CCDC57: variants seen among roughly 807,000 people sequenced by gnomAD.
CCDC57 encodes the protein coiled-coil domain-containing protein 57.
In CCDC57, 118 loss-of-function variants were observed where a neutral mutation model predicts 118.9. That is an observed-to-expected ratio of 0.99 (90% CI 0.86 to 1.16). The LOEUF (loss-of-function observed/expected upper bound fraction) is 1.16. CCDC57 is among the 50% of genes most tolerant of loss of function. The pLI, the probability that CCDC57 is intolerant of heterozygous loss-of-function variation, is 0.00. For synonymous variants in CCDC57, 527 were observed against 532.9 expected (o/e 0.99, Z 0.15); for missense variants, 1,300 against 1,320.7 (o/e 0.98, Z 0.24).
intron 19 of CCDC57, among the ~76,000 whole-genome samples, chr17:82,104,297 G>A (rs1173401745): frequency 2.0e-5 from 3 of 152,244 alleles, no homozygotes; most frequent in Admixed American, 2.0e-4. Context: ...CGTGAGGAAC[G>A]CGCCTCTTGG....
chr17:82,128,098 C>T (rs1014111358), intron 18 of CCDC57, among the ~76,000 whole-genome samples, 190 bp from the exon 18 acceptor site: 35 of 152,226 alleles, frequency 2.3e-4, no homozygotes, highest in African/African-American at 6.5e-4. Flanking sequence ...CGAGTCTCAG[C>T]GCTGGGAACG....
At chr17:82,122,989 CCT>C (rs2036918808) in intron 19 of CCDC57, among the ~76,000 whole-genome samples, 1 of 152,184 alleles carries the variant, frequency 6.6e-6, no homozygotes, top group African/African-American at 2.4e-5. Flanking sequence ...CTACTACCCC[CCT>C]GAGACCACAC....
chr17:82,148,587 GGAT>G (rs1212659041), intron 16 of CCDC57, among the ~76,000 whole-genome samples: 1 of 101,134 alleles, frequency 9.9e-6, no homozygotes, highest in Non-Finnish European at 2.0e-5. Flanking sequence ...ATGGGTGGGT[GGAT>G]GGTAGATGGA....
At chr17:82,204,610 C>G (rs1031579161) in intron 2 of CCDC57, among the ~76,000 whole-genome samples, 1 of 152,122 alleles carries the variant, frequency 6.6e-6, no homozygotes, top group Non-Finnish European at 1.5e-5. Context: ...GGTGAAACCC[C>G]GTCTCTACTA....
chr17:82,145,147 A>G (rs2040543241), intron 16 of CCDC57, among the ~76,000 whole-genome samples: 1 of 149,214 alleles, frequency 6.7e-6, no homozygotes, highest in Admixed American at 6.7e-5. Context: ...CAGCCGCCCG[A>G]GTAGCTGGGA....
intron 19 of CCDC57, among the ~76,000 whole-genome samples, chr17:82,117,636 C>T (rs950279545): frequency 2.0e-5 from 3 of 151,920 alleles, no homozygotes; most frequent in Admixed American, 6.6e-5. Context: ...GCCTGGGCGA[C>T]GGAGTGAGAC....
intron 8 of CCDC57, among the ~76,000 whole-genome samples, chr17:82,184,637 G>A (rs954747497): frequency 2.0e-5 from 3 of 152,326 alleles, no homozygotes; most frequent in South Asian, 2.1e-4. Context: ...CATCACACAC[G>A]ACAGACCTTC....
At chr17:82,205,065 G>A (rs1417850985) in intron 2 of CCDC57, among the ~76,000 whole-genome samples, 5 of 152,208 alleles carry the variant, frequency 3.3e-5, no homozygotes, top group South Asian at 2.1e-4. Context: ...CAGTCTTGGC[G>A]ACTGAAACAT....
intron 19 of CCDC57, 82 bp from the exon 19 acceptor site, chr17:82,101,948 G>GTT (rs2034479433): frequency 1.5e-6 from 2 of 1,337,102 alleles, no homozygotes. Context: ...CTGCACAGGT[G>GTT]CAGCACTTCC....
chr17:82,115,792 CTTTTTTTTTTTTT>C (rs35213711), intron 19 of CCDC57, among the ~76,000 whole-genome samples: 2 of 65,664 alleles, frequency 3.0e-5, no homozygotes, highest in African/African-American at 6.7e-5. Flanking sequence ...TTTATGCAAC[CTTTTTTTTTTTTT>C]TTTTTTTTTT....
intron 19 of CCDC57, among the ~76,000 whole-genome samples, chr17:82,122,314 C>T (rs1231633941): frequency 3.3e-5 from 5 of 151,826 alleles, no homozygotes; most frequent in Non-Finnish European, 7.4e-5. Flanking sequence ...TGCACTCCCG[C>T]ACGGTGGAGG....
intron 8 of CCDC57, 150 bp from the exon 8 acceptor site, chr17:82,184,082 C>CACACAA: frequency 1.7e-6 from 1 of 572,460 alleles, no homozygotes; most frequent in Non-Finnish European, 3.1e-6. Context: ...CACACACACA[C>CACACAA]AGCTCTCGAG....
intron 17 of CCDC57, among the ~76,000 whole-genome samples, chr17:82,130,885 C>A (rs1423876598): frequency 6.6e-6 from 1 of 151,194 alleles, no homozygotes; most frequent in South Asian, 2.1e-4. Flanking sequence ...TATCTCAGCT[C>A]ACTGCAACCT....
chr17:82,145,921 C>T (rs755042794), intron 16 of CCDC57: 4 of 359,180 alleles, frequency 1.1e-5, no homozygotes, highest in Non-Finnish European at 2.3e-5. Flanking sequence ...ACAGGGGACG[C>T]CCCGGCACCT....
chr17:82,143,958 A>G (rs1417422782), intron 16 of CCDC57, among the ~76,000 whole-genome samples: 1 of 151,634 alleles, frequency 6.6e-6, no homozygotes, highest in Non-Finnish European at 1.5e-5. Flanking sequence ...AAAAAAAAAA[A>G]AAATTAGCTA....
At chr17:82,156,749 A>AC (rs2042727309) in intron 15 of CCDC57, 2 of 152,210 alleles carry the variant, frequency 1.3e-5, no homozygotes, top group South Asian at 4.1e-4. Flanking sequence ...GCCCTGTTGT[A>AC]CCCCTGAGGC....
intron 16 of CCDC57, among the ~76,000 whole-genome samples, chr17:82,150,242 G>A (rs1362638928): frequency 1.3e-5 from 2 of 149,426 alleles, no homozygotes; most frequent in African/African-American, 2.5e-5. Flanking sequence ...CCCAGAACCA[G>A]GCGCACACTC....
chr17:82,114,975 T>A (rs2035665445), intron 19 of CCDC57, among the ~76,000 whole-genome samples: 1 of 152,122 alleles, frequency 6.6e-6, no homozygotes, highest in African/African-American at 2.4e-5. Context: ...TGACATGGCC[T>A]CAGAAGACCA....
At chr17:82,204,065 G>C (rs1036271937) in intron 2 of CCDC57, among the ~76,000 whole-genome samples, 9 of 152,264 alleles carry the variant, frequency 5.9e-5, no homozygotes, top group East Asian at 1.9e-4. Flanking sequence ...GGGCACACCC[G>C]CTGGGGGCAC....
Sources: allele counts gnomAD v4.1 joint callset (sites outside exome capture counted in the v4.1 genomes callset), GRCh38; gene constraint gnomAD v4.1.1; transcripts MANE v1.5; gene names NCBI Gene and HGNC (gene_info 2026-07-23, HGNC 2026-07-21).